AFG2A: variants seen among roughly 807,000 people sequenced by gnomAD.
The protein encoded by AFG2A is AAA ATPase AFG2A, also known as ATPase family gene 2 protein homolog A.
At chr4:123,209,034 G>A in the AFG2A span, among the ~76,000 whole-genome samples, 1 of 152,146 alleles carries the variant, frequency 6.6e-6, no homozygotes, top group Non-Finnish European at 1.5e-5. Context: ...GTTGATCACT[G>A]ATGACCAATG....
the AFG2A span, chr4:122,929,331 T>C: frequency 1.0e-6 from 1 of 953,134 alleles, no homozygotes; most frequent in Admixed American, 3.7e-5. Flanking sequence ...ACAGGTACAA[T>C]GAATTACAAT....
chr4:123,007,566 A>ATGTG, the AFG2A span, among the ~76,000 whole-genome samples: 1 of 40,184 alleles, frequency 2.5e-5, no homozygotes, highest in African/African-American at 6.6e-5. Flanking sequence ...GTGTGTGTGT[A>ATGTG]TATGTGTGTG....
chr4:123,090,811 G>C, the AFG2A span: 1 of 1,467,608 alleles, frequency 6.8e-7, no homozygotes, highest in East Asian at 2.3e-5. Context: ...ATTTCATTTA[G>C]AGGATATTGA....
the AFG2A span, among the ~76,000 whole-genome samples, chr4:123,024,278 C>A: frequency 7.6e-6 from 1 of 131,702 alleles, no homozygotes. Flanking sequence ...TGTGGCACAA[C>A]GGGTGATGAT....
the AFG2A span, among the ~76,000 whole-genome samples, chr4:123,245,755 A>G: frequency 5.9e-5 from 9 of 152,236 alleles, no homozygotes; most frequent in Non-Finnish European, 1.0e-4. Flanking sequence ...CATTAGACAG[A>G]TAGCCTAAAG....
chr4:123,128,206 A>C, the AFG2A span, among the ~76,000 whole-genome samples: 2 of 152,284 alleles, frequency 1.3e-5, no homozygotes, highest in South Asian at 4.1e-4. Context: ...TTAAAATGAC[A>C]GCTCTGAATT....
At chr4:122,957,586 C>T in the AFG2A span, among the ~76,000 whole-genome samples, 1 of 152,152 alleles carries the variant, frequency 6.6e-6, no homozygotes, top group Admixed American at 6.5e-5. Flanking sequence ...TAGATTTGAA[C>T]TACTCTCTTA....
chr4:123,061,842 G>T, the AFG2A span, among the ~76,000 whole-genome samples: 1 of 152,188 alleles, frequency 6.6e-6, no homozygotes, highest in Non-Finnish European at 1.5e-5. Flanking sequence ...AAAAGCCAGA[G>T]AATTTTGCTG....
the AFG2A span, among the ~76,000 whole-genome samples, chr4:123,136,880 T>C: frequency 6.6e-6 from 1 of 151,848 alleles, no homozygotes. Context: ...ATGTAGTCTG[T>C]TGTTGGGTGC....
chr4:123,085,533 T>A, the AFG2A span, among the ~76,000 whole-genome samples: 5 of 152,202 alleles, frequency 3.3e-5, no homozygotes, highest in African/African-American at 1.2e-4. Context: ...TTTCTTTGGC[T>A]TAGTGTTAGC....
the AFG2A span, among the ~76,000 whole-genome samples, chr4:123,002,880 G>C: frequency 5.9e-5 from 9 of 152,264 alleles, no homozygotes; most frequent in African/African-American, 2.2e-4. Flanking sequence ...AGTTCTCCTG[G>C]ATAATATCCT....
At chr4:123,033,992 C>T in the AFG2A span, among the ~76,000 whole-genome samples, 517 of 152,182 alleles carry the variant, frequency 3.4e-3, 3 homozygotes, top group Middle Eastern at 0.014. Flanking sequence ...CCTGACAAGC[C>T]GTGCCACAGC....
At chr4:123,220,189 A>G in the AFG2A span, among the ~76,000 whole-genome samples, 2 of 152,246 alleles carry the variant, frequency 1.3e-5, no homozygotes, top group East Asian at 1.9e-4. Context: ...AATCTATACT[A>G]TAGAGTCTGA....
At chr4:123,302,503 T>A in the AFG2A span, among the ~76,000 whole-genome samples, 1 of 152,010 alleles carries the variant, frequency 6.6e-6, no homozygotes, top group Non-Finnish European at 1.5e-5. Flanking sequence ...TGTGTCTGTG[T>A]ATATGCGTGT....
the AFG2A span, among the ~76,000 whole-genome samples, chr4:122,990,715 A>G: frequency 2.3e-4 from 35 of 152,088 alleles, no homozygotes; most frequent in Non-Finnish European, 3.4e-4. Flanking sequence ...CAGCCTTCTG[A>G]GCAGTTGGAA....
the AFG2A span, among the ~76,000 whole-genome samples, chr4:122,999,962 T>C: frequency 1.3e-5 from 2 of 152,316 alleles, no homozygotes; most frequent in South Asian, 4.1e-4. Flanking sequence ...CTTCCATTTC[T>C]TTGTATCTTT....
the AFG2A span, among the ~76,000 whole-genome samples, chr4:122,965,386 G>A: frequency 6.6e-6 from 1 of 152,180 alleles, no homozygotes; most frequent in African/African-American, 2.4e-5. Context: ...AATTGCTCTT[G>A]TCCAGAATTG....
At chr4:123,253,698 T>C in the AFG2A span, among the ~76,000 whole-genome samples, 6 of 152,114 alleles carry the variant, frequency 3.9e-5, no homozygotes, top group African/African-American at 7.2e-5. Flanking sequence ...TGTGTAGATA[T>C]GGGTTTTTTC....
chr4:122,943,426 A>G, the AFG2A span, among the ~76,000 whole-genome samples: 801 of 152,088 alleles, frequency 5.3e-3, 7 homozygotes, highest in African/African-American at 0.018. Context: ...TGTTGGTTTA[A>G]AGTCTGTTTT....
Sources: allele counts gnomAD v4.1 joint callset (sites outside exome capture counted in the v4.1 genomes callset), GRCh38; gene constraint gnomAD v4.1.1; transcripts MANE v1.5; gene names NCBI Gene and HGNC (gene_info 2026-07-23, HGNC 2026-07-21).